The following COL2A1 variants were observed in gnomAD, a reference collection of about 807,000 sequenced individuals.
COL2A1 encodes collagen alpha-1(II) chain.
COL2A1 carries 28 observed loss-of-function variants against 204.5 expected under a neutral mutation model. The ratio of observed to expected loss-of-function variants is 0.14; its 90% confidence interval spans 0.10 to 0.19. COL2A1 has a LOEUF of 0.19. Among genes scored for constraint, COL2A1 ranks in the 10% least tolerant of loss-of-function variants. The pLI, the probability that COL2A1 is intolerant of heterozygous loss-of-function variation, is 1.00. For synonymous variants in COL2A1, 708 were observed against 718.7 expected (o/e 0.99, Z 0.24); for missense variants, 1,388 against 2,027.5 (o/e 0.68, Z 6.06).
Position 47,976,669 on chromosome 12 carries a change from T to C in COL2A1, c.3436-102A>G. 4 of 1,388,346 alleles carry C rather than the reference T, an allele frequency of 2.9e-6. No individual in the cohort carries two copies. The highest frequency in any genetic ancestry group is 1.8e-5 in the Admixed American group (1 of 54,748). 86.0% of individuals were successfully genotyped at this position (1,388,346 alleles called of 1,614,324 possible). On this transcript the variant is annotated intron_variant, in intron 48 of 53. Coordinates refer to ENST00000380518, the MANE Select transcript of COL2A1 (RefSeq NM_001844.5). The surrounding 1 kb of genome is among the most constrained non-coding windows in gnomAD (Gnocchi z 4.3). ...CTTTATGTCCCAGCCCCATTCCCTT[T>C]CCACTTCCTCCTCCCTCCAGCCCTG...
At chr12:47,974,543 T>C in intron 52 of COL2A1, 132 bp downstream of exon 52, 3 of 1,277,372 alleles carry the variant, frequency 2.3e-6, no homozygotes, top group Non-Finnish European at 3.4e-6. Context: ...TTTCCTCCTC[T>C]TTCCCTCCTC....
At chr12:47,975,254 C>T in intron 51 of COL2A1, 63 bp downstream of exon 51, 2 of 1,593,294 alleles carry the variant, frequency 1.3e-6, no homozygotes, top group Non-Finnish European at 8.6e-7. Context: ...TCCTCCCTTG[C>T]TGCTAGGCCT....
chr12:47,977,317 T>TA lies in COL2A1; in HGVS notation c.3273+2dup. The TA allele has an allele frequency of 1.9e-6, 3 of 1,611,904 alleles. No homozygotes were observed. Among genetic ancestry groups the TA allele is most frequent in the Middle Eastern group, 1.7e-4 (1 of 6,058 alleles). On this transcript the variant is annotated splice_region_variant and intron_variant, in intron 46 of 53. Coordinates refer to ENST00000380518, the MANE Select transcript of COL2A1 (RefSeq NM_001844.5). ...CGGCTTTTACTGAATTCAGGATACTTACAGCTTCTCCTCTGTCTCCTTGCT... is the reference window on the plus strand; with the variant it reads ...CGGCTTTTACTGAATTCAGGATACTTAACAGCTTCTCCTCTGTCTCCTTGCT...
In COL2A1 at chr12:47,985,806, C is replaced by A; in HGVS notation, c.1602G>T (p.Gly534=). The A allele has an allele frequency of 1.2e-6, 2 of 1,611,672 alleles. No homozygotes were observed. Among genetic ancestry groups the A allele is most frequent in the Non-Finnish European group, 1.7e-6 (2 of 1,179,002 alleles). ...CCTTGGGGCCAGCAAGACCACTGGG[C>A]CCTCGCTCTCCAGGGGCTCCCTACA... The part of the protein sequence containing the change: ...AGPKGAPGER[G]PSGLAGPKGA... The change falls in exon 25 of 54, where the codon GGG becomes GGT. Residue 534 remains glycine, a synonymous_variant. Transcript: ENST00000380518.
At chr12:48,001,119 A>G (rs946244628) in intron 1 of COL2A1, 7 of 152,322 alleles carry the variant, frequency 4.6e-5, no homozygotes, top group African/African-American at 1.7e-4. Flanking sequence ...TGTGCTGACA[A>G]GAGCGCTCCT....
chr12:47,989,385 A>C, intron 17 of COL2A1, 104 bp from the exon 18 acceptor site: 4 of 970,536 alleles, frequency 4.1e-6, no homozygotes, highest in Non-Finnish European at 6.5e-6. Context: ...TACTGATTTC[A>C]CTCCATATCC....
intron 6 of COL2A1, 47 bp downstream of exon 6, chr12:47,997,824 G>A (rs1275320281): frequency 1.2e-6 from 2 of 1,613,328 alleles, no homozygotes; most frequent in Non-Finnish European, 1.7e-6. Context: ...GGGCCTTGGG[G>A]GACCTGGGAA....
In COL2A1 at chr12:47,995,257, C is replaced by T; in HGVS notation, c.760G>A (p.Asp254Asn). The change falls in exon 11 of 54, where the codon GAT becomes AAT. Residue 254 changes from aspartate to asparagine, a missense_variant and splice_region_variant. Around this residue, in one of 3 missense-constraint regions of COL2A1, gnomAD observed 884 missense variants for 1,415.8 expected, o/e 0.62. Coordinates refer to ENST00000380518, the MANE Select transcript of COL2A1 (RefSeq NM_001844.5). Reference sequence around the variant, plus strand: ...TTTGTCTACTCGTGTATACTCACATCATCACCAGGCTTTCCAGGGGGACCA... The same window carrying T: ...TTTGTCTACTCGTGTATACTCACATTATCACCAGGCTTTCCAGGGGGACCA... ...PPGPPGKPGD[D>N]GEAGKPGKAG... The T allele has an allele frequency of 6.2e-7, 1 of 1,613,090 alleles. No homozygotes were observed.
intron 52 of COL2A1, 138 bp downstream of exon 52, chr12:47,974,537 C>T: frequency 7.9e-7 from 1 of 1,259,452 alleles, no homozygotes; most frequent in Non-Finnish European, 1.1e-6. Context: ...AATACTTTTC[C>T]TCCTCTTTCC....
Position 47,980,895 on chromosome 12 carries a change from G to A in COL2A1, c.2517+20C>T. ...CTGGCCTGAGTGGAGGGACCCAGGA[G>A]GATGGACAGAGATACTCACAGGAGG... On this transcript the variant is annotated intron_variant, in intron 38 of 53. Coordinates refer to ENST00000380518, the MANE Select transcript of COL2A1 (RefSeq NM_001844.5). The surrounding 1 kb of genome is among the most constrained non-coding windows in gnomAD (Gnocchi z 4.5). 6.4e-7 allele frequency: 1 copy of A among 1,552,222 alleles called. No individual in the cohort carries two copies. Among genetic ancestry groups the A allele is most frequent in the Non-Finnish European group, 8.7e-7 (1 of 1,147,344 alleles).
intron 41 of COL2A1, 59 bp downstream of exon 41, chr12:47,979,452 G>C (rs997633037): frequency 2.5e-6 from 4 of 1,578,738 alleles, no homozygotes; most frequent in Non-Finnish European, 3.5e-6. Context: ...ACCCTGTTGG[G>C]TGCTGGGCCA....
At chr12:47,997,783 A>C in intron 6 of COL2A1, 76 bp from the exon 7 acceptor site, 1 of 1,612,170 alleles carries the variant, frequency 6.2e-7, no homozygotes, top group Non-Finnish European at 8.5e-7. Flanking sequence ...GCTGCTCTTT[A>C]AGAGGTGACC....
In COL2A1 at chr12:48,000,067, C is replaced by G. The variant is rs1940159051; in HGVS notation, c.144G>C (p.Lys48Asn). Residue 48 changes from lysine (K) to asparagine (N), a missense_variant, in exon 2 of 54, where the codon AAG becomes AAC. Around this residue, in one of 3 missense-constraint regions of COL2A1, gnomAD observed 201 missense variants for 242.4 expected, o/e 0.83. Coordinates refer to ENST00000380518, the MANE Select transcript of COL2A1 (RefSeq NM_001844.5). ...GQRYNDKDVWKPEPCRICVCD... is the reference protein window; with the variant it reads ...GQRYNDKDVWNPEPCRICVCD... ...AGACACAGATCCGGCAGGGCTCCGG[C>G]TTCCACACATCCTTATCATTATACC... 6.2e-7 allele frequency: 1 copy of G among 1,613,812 alleles called. No individual in the cohort carries two copies. Among genetic ancestry groups the G allele is most frequent in the Admixed American group, 1.7e-5 (1 of 59,996 alleles).
Position 47,978,524 on chromosome 12 carries a change from T to C in COL2A1, c.2895+73A>G. 1 of 1,599,776 alleles carries C rather than the reference T, an allele frequency of 6.3e-7. No homozygotes were observed. Among genetic ancestry groups the C allele is most frequent in the Non-Finnish European group, 8.5e-7 (1 of 1,171,048 alleles). On this transcript the variant is annotated intron_variant, in intron 42 of 53. Coordinates refer to ENST00000380518, the MANE Select transcript of COL2A1 (RefSeq NM_001844.5). This position sits in a 1 kb window ranked among gnomAD's most constrained non-coding sequence, Gnocchi z 5.5. ...ACGGCCCCTGCTCCCTCCTACCCCA[T>C]GCTCTGTGAGCTCAGAAGCCACTCA...
rs751088213 is a variant in COL2A1 at position 47,994,023 on chromosome 12, G to T, written c.841C>A (p.Pro281Thr). The T allele has an allele frequency of 6.2e-7, 1 of 1,614,074 alleles. No homozygotes were observed. Among genetic ancestry groups the T allele is most frequent in the East Asian group, 2.2e-5 (1 of 44,886 alleles). Residue 281 changes from proline to threonine, a missense_variant, in exon 13 of 54, where the codon CCA (proline) becomes ACA (threonine). Transcript: ENST00000380518. ...PQGARGFPGT[P>T]GLPGVKGHRG... The stretch of plus-strand genomic sequence containing the variant: ...TGACCTTTGACACCAGGAAGGCCTG[G>T]GGTTCCTGGGAAACCACGAGCACCC...
chr12:47,974,865 G>A lies in COL2A1; in HGVS notation c.3887-3C>T. ...GTTGGGGTCAATCCAGTAGTCTCCT[G>A]CAGGGGGAAGAGGCAGCACCCATGG... is the stretch of plus-strand genomic sequence containing the variant. On this transcript the variant is annotated splice_polypyrimidine_tract_variant and splice_region_variant and intron_variant, in intron 51 of 53. Coordinates refer to ENST00000380518, the MANE Select transcript of COL2A1 (RefSeq NM_001844.5). The A allele has an allele frequency of 1.2e-6, 2 of 1,612,748 alleles. No homozygotes were observed. Among genetic ancestry groups the A allele is most frequent in the Non-Finnish European group, 1.7e-6 (2 of 1,179,060 alleles).
At chr12:47,983,545 C>G (rs1939211359) in intron 30 of COL2A1, 107 bp from the exon 31 acceptor site, 5 of 1,447,986 alleles carry the variant, frequency 3.5e-6, no homozygotes, top group Admixed American at 1.8e-5. Flanking sequence ...GCAGCAGTGA[C>G]AGCCAGGGGT....
intron 8 of COL2A1, 79 bp from the exon 9 acceptor site, chr12:47,995,998 A>G (rs1448141739): frequency 8.5e-7 from 1 of 1,182,888 alleles, no homozygotes; most frequent in Non-Finnish European, 1.3e-6. Flanking sequence ...CTCCCAGCCA[A>G]CAGCCCGGGC....
At chr12:48,005,125 C>A (rs191022736), upstream of COL2A1, among the ~76,000 whole-genome samples, 1,259 of 152,370 alleles carry the variant, frequency 8.3e-3, 13 homozygotes, top group Middle Eastern at 0.014. Flanking sequence ...ACCCCTCCCC[C>A]ATCCAGCTCT....
Sources: allele counts gnomAD v4.1 joint callset (sites outside exome capture counted in the v4.1 genomes callset), GRCh38; gene constraint gnomAD v4.1.1; regional missense constraint gnomAD v4.1.1; non-coding constraint Gnocchi (gnomAD v3.1); transcripts MANE v1.5; gene names NCBI Gene and HGNC (gene_info 2026-07-23, HGNC 2026-07-21).